Variants in PTGER2 observed in about 807,000 individuals in gnomAD.
PTGER2 encodes the protein prostaglandin E2 receptor EP2 subtype.
A neutral mutation model predicts 26.2 loss-of-function variants in PTGER2; 22 were observed. The observed-to-expected ratio is 0.84, with a 90% confidence interval of 0.60 to 1.20. The LOEUF (loss-of-function observed/expected upper bound fraction) is 1.20, where lower values mean the gene tolerates loss of function less well. Ranked by LOEUF, PTGER2 falls within the 50% of genes most tolerant of loss-of-function variation. PTGER2 has a pLI of 0.00. For synonymous variants in PTGER2, 219 were observed against 208.9 expected, an observed-to-expected ratio of 1.05 and a Z score of -0.42; for missense variants, 458 against 475.2, an observed-to-expected ratio of 0.96 and a Z score of 0.34.
In PTGER2 at chr14:52,314,784, T is replaced by C; in HGVS notation, c.236T>C (p.Leu79Pro). Reference sequence around the variant, plus strand: ...GTGACCGAGCTGGTGTTCACCGACCTGCTCGGGACCTGCCTCATCAGCCCA... The same window carrying C: ...GTGACCGAGCTGGTGTTCACCGACCCGCTCGGGACCTGCCTCATCAGCCCA... ...VLVTELVFTD[L>P]LGTCLISPVV... is the part of the protein sequence containing the mutation. Residue 79 changes from leucine (L) to proline (P), a missense_variant, in exon 1 of 2, where the codon CTG (leucine) becomes CCG (proline). Transcript: ENST00000245457. This position sits in a 1 kb window ranked among gnomAD's most constrained non-coding sequence, Gnocchi z 5.7. The C allele has an allele frequency of 6.2e-7, 1 of 1,610,616 alleles. No homozygotes were observed. The highest frequency in any genetic ancestry group is 1.3e-5 in the African/African-American group (1 of 74,970).
intron 1 of PTGER2, among the ~76,000 whole-genome samples, chr14:52,326,412 A>G (rs1472905956): frequency 1.3e-5 from 2 of 152,226 alleles, no homozygotes; most frequent in East Asian, 1.9e-4. Context: ...TATAATAACA[A>G]TGAACACTGT....
Position 52,315,062 on chromosome 14 carries a change from C to T in PTGER2, c.514C>T (p.Leu172=), listed in dbSNP as rs763372762. The T allele has an allele frequency of 6.8e-6, 11 of 1,612,628 alleles. No homozygotes were observed. The highest frequency in any genetic ancestry group is 8.5e-6 in the Non-Finnish European group (10 of 1,179,970). The stretch of plus-strand genomic sequence containing the variant: ...CTCCCTGCTCTTCTGCTCGCTGCCG[C>T]TGCTGGACTATGGGCAGTACGTCCA... ...AVSLLFCSLP[L]LDYGQYVQYC... is the part of the protein sequence containing the mutation. Residue 172 remains leucine, a synonymous_variant, in exon 1 of 2, where the codon CTG becomes TTG. Coordinates refer to ENST00000245457, the MANE Select transcript of PTGER2 (RefSeq NM_000956.4).
intron 1 of PTGER2, among the ~76,000 whole-genome samples, chr14:52,324,670 A>G (rs1307107606): frequency 6.6e-6 from 1 of 152,240 alleles, no homozygotes; most frequent in Non-Finnish European, 1.5e-5. Context: ...AAAATGGTAA[A>G]TTTTATGTTA....
Position 52,314,483 on chromosome 14 carries a change from C to T in PTGER2, c.-66C>T, listed in dbSNP as rs1403153437. 2 of 1,412,432 alleles carry T rather than the reference C, an allele frequency of 1.4e-6. No individual in the cohort carries two copies. Among genetic ancestry groups the T allele is most frequent in the South Asian group, 4.0e-5 (2 of 50,516 alleles). 87.5% of individuals were successfully genotyped at this position (1,412,432 alleles called of 1,614,324 possible). On this transcript the variant is annotated 5_prime_UTR_variant, in exon 1 of 2. Transcript: ENST00000245457. This position sits in a 1 kb window ranked among gnomAD's most constrained non-coding sequence, Gnocchi z 5.7. ...CTGAGTCTCGGAACGCTCCGGCTCT[C>T]AGACCCTCTTCCTCCCAGGTAAAGG...
At chr14:52,319,836 G>A (rs1054800701) in intron 1 of PTGER2, among the ~76,000 whole-genome samples, 3 of 152,100 alleles carry the variant, frequency 2.0e-5, no homozygotes, top group African/African-American at 7.2e-5. Flanking sequence ...ATACTAAAAA[G>A]TTCTCCATCT....
chr14:52,320,954 T>A (rs1260146667), intron 1 of PTGER2, among the ~76,000 whole-genome samples: 4 of 152,152 alleles, frequency 2.6e-5, no homozygotes, highest in Non-Finnish European at 4.4e-5. Context: ...TTATATGAGT[T>A]TATGTTTATA....
rs2033963640 is a variant in PTGER2 at position 52,327,458 on chromosome 14, C to T, written c.*4C>T. ...CAGTAAACAGGCTGACCTTTGAGGTCAGTAGTTTAAAAGTTCTTAGTTATA... is the reference window on the plus strand; with the variant it reads ...CAGTAAACAGGCTGACCTTTGAGGTTAGTAGTTTAAAAGTTCTTAGTTATA... On this transcript the variant is annotated 3_prime_UTR_variant, in exon 2 of 2. Coordinates refer to ENST00000245457, the MANE Select transcript of PTGER2 (RefSeq NM_000956.4). 3 of 1,575,584 alleles carry T rather than the reference C, an allele frequency of 1.9e-6. No homozygotes were observed. Among genetic ancestry groups the T allele is most frequent in the Admixed American group, 1.7e-5 (1 of 58,908 alleles).
In PTGER2 at chr14:52,314,615, G is replaced by A. The variant is rs1443570682; in HGVS notation, c.67G>A (p.Glu23Lys). The A allele has an allele frequency of 1.3e-6, 2 of 1,510,196 alleles. No individual in the cohort carries two copies. Among genetic ancestry groups the A allele is most frequent in the Non-Finnish European group, 1.8e-6 (2 of 1,128,882 alleles). 93.5% of individuals were successfully genotyped at this position (1,510,196 alleles called of 1,614,324 possible). A position where few individuals can be genotyped will look rare whatever the true frequency, so the allele number is the denominator to read the frequency against. ...CETRQWLPPG[E>K]SPAISSVMFS... The stretch of plus-strand genomic sequence containing the variant: ...GACGCGACAGTGGCTTCCCCCAGGC[G>A]AAAGCCCAGCCATCAGCTCCGTCAT... Residue 23 changes from glutamate (E) to lysine (K), a missense_variant, in exon 1 of 2, where the codon GAA becomes AAA. Transcript: ENST00000245457. This position sits in a 1 kb window ranked among gnomAD's most constrained non-coding sequence, Gnocchi z 5.7.
chr14:52,327,685 G>A lies in PTGER2; in HGVS notation c.*231G>A, dbSNP rs980239676. 1.4e-5 allele frequency: 6 copies of A among 427,262 alleles called. No individual in the cohort carries two copies. The highest frequency in any genetic ancestry group is 1.2e-4 in the African/African-American group (6 of 49,392). The allele number at this position is 427,262 out of a possible 1,614,324, so 26.5% of individuals were successfully genotyped here. ...TCAGTGAGCATGGTACTTGGCCTTT[G>A]GAGGAACAATCGGCTGCATTGAAGA... On this transcript the variant is annotated 3_prime_UTR_variant, in exon 2 of 2. Coordinates refer to ENST00000245457, the MANE Select transcript of PTGER2 (RefSeq NM_000956.4).
chr14:52,314,811 T>A lies in PTGER2; in HGVS notation c.263T>A (p.Val88Glu). 6.2e-7 allele frequency: 1 copy of A among 1,613,100 alleles called. No homozygotes were observed. Among genetic ancestry groups the A allele is most frequent in the African/African-American group, 1.3e-5 (1 of 75,046 alleles). Reference protein sequence around the residue: ...DLLGTCLISPVVLASYARNQT... With the variant: ...DLLGTCLISPEVLASYARNQT... ...CTCGGGACCTGCCTCATCAGCCCAGTGGTACTGGCTTCGTACGCGCGGAAC... is the reference window on the plus strand; with the variant it reads ...CTCGGGACCTGCCTCATCAGCCCAGAGGTACTGGCTTCGTACGCGCGGAAC... The change falls in exon 1 of 2, where the codon GTG (valine) becomes GAG (glutamate). Residue 88 changes from valine to glutamate, a missense_variant. Val to Glu is a moderately radical substitution (Grantham distance 121). Coordinates refer to ENST00000245457, the MANE Select transcript of PTGER2 (RefSeq NM_000956.4). The surrounding 1 kb of genome is among the most constrained non-coding windows in gnomAD (Gnocchi z 5.7).
At chr14:52,323,080 A>T (rs1254587) in intron 1 of PTGER2, among the ~76,000 whole-genome samples, 88,414 of 152,098 alleles carry the variant, frequency 0.58, 29,316 homozygotes, top group Non-Finnish European at 0.76. Flanking sequence ...AGAAATTATA[A>T]GAGTATTATT....
At position 52,314,520 on chromosome 14, in the gene PTGER2, G is replaced by A. The variant is rs758456781; in HGVS notation, c.-29G>A. 6.8e-7 allele frequency: 1 copy of A among 1,464,758 alleles called. No homozygotes were observed. The highest frequency in any genetic ancestry group is 9.0e-7 in the Non-Finnish European group (1 of 1,109,098). The allele number at this position is 1,464,758 out of a possible 1,614,324, so 90.7% of individuals were successfully genotyped here. ...CTCCCAGGTAAAGGCCGGGAGAGGA[G>A]GGCGCATCTCTTTTCCAGGCACCCC... On this transcript the variant is annotated 5_prime_UTR_variant, in exon 1 of 2. Transcript: ENST00000245457. The surrounding 1 kb of genome is among the most constrained non-coding windows in gnomAD (Gnocchi z 5.7).
intron 1 of PTGER2, among the ~76,000 whole-genome samples, chr14:52,316,702 C>A (rs1208370321): frequency 6.6e-6 from 1 of 152,222 alleles, no homozygotes; most frequent in East Asian, 1.9e-4. Context: ...GAATATGATT[C>A]TCTCCTCCCC....
Position 52,327,305 on chromosome 14 carries a change from ATTGACCC to A in PTGER2, c.932_938del (p.Asp311GlyfsTer11), listed in dbSNP as rs749238589. On this transcript the variant is annotated frameshift_variant, in exon 2 of 2. Transcript: ENST00000245457. LOFTEE classifies it high-confidence loss of function. ...TAGGTTTTTATCAATTAATTCAATAATTGACCCTTGGGTCTTTGCCATCCTTAGGCCT... is the reference window on the plus strand; with the variant it reads ...TAGGTTTTTATCAATTAATTCAATAATTGGGTCTTTGCCATCCTTAGGCCT... The A allele has an allele frequency of 1.9e-6, 3 of 1,613,632 alleles. No homozygotes were observed. In the East Asian group the frequency reaches 6.7e-5, roughly 36 times the overall value.
intron 1 of PTGER2, among the ~76,000 whole-genome samples, chr14:52,318,371 A>T (rs1301953636): frequency 6.6e-6 from 1 of 152,256 alleles, no homozygotes; most frequent in Non-Finnish European, 1.5e-5. Context: ...CATATAACAA[A>T]AAGTAAAAAG....
chr14:52,316,818 A>G (rs544151047), intron 1 of PTGER2, among the ~76,000 whole-genome samples: 56 of 152,250 alleles, frequency 3.7e-4, no homozygotes, highest in South Asian at 1.2e-3. Context: ...AATTGGTTAC[A>G]CTTTGAGGGA....
chr14:52,324,149 G>T (rs1159258541), intron 1 of PTGER2, among the ~76,000 whole-genome samples: 1 of 152,166 alleles, frequency 6.6e-6, no homozygotes, highest in Non-Finnish European at 1.5e-5. Context: ...ATGCAGTCAA[G>T]TGCATCCACA....
rs2033965984 is a variant in PTGER2, at chr14:52,327,658, C to T, written c.*204C>T. 1.9e-6 allele frequency: 1 copy of T among 534,644 alleles called. No homozygotes were observed. Among genetic ancestry groups the T allele is most frequent in the Non-Finnish European group, 3.3e-6 (1 of 304,644 alleles). The allele number at this position is 534,644 out of a possible 1,614,324, so 33.1% of individuals were successfully genotyped here. The stretch of plus-strand genomic sequence containing the variant: ...TGTCAGAAGGAGCTACAAAACCTAC[C>T]CTCAGTGAGCATGGTACTTGGCCTT... On this transcript the variant is annotated 3_prime_UTR_variant, in exon 2 of 2. Coordinates refer to ENST00000245457, the MANE Select transcript of PTGER2 (RefSeq NM_000956.4).
intron 1 of PTGER2, among the ~76,000 whole-genome samples, chr14:52,324,047 A>G (rs2033924373): frequency 6.6e-6 from 1 of 152,234 alleles, no homozygotes; most frequent in Non-Finnish European, 1.5e-5. Context: ...ATGGGCAGTT[A>G]TTGTTTAATG....
Sources: gnomAD v4.1 joint callset for allele counts (sites outside exome capture counted in the v4.1 genomes callset) on GRCh38, gnomAD v4.1.1 for gene constraint, Gnocchi (gnomAD v3.1) non-coding constraint, MANE v1.5 for transcripts, NCBI Gene and HGNC (gene_info 2026-07-23, HGNC 2026-07-21) for gene names.